The following CHAF1B variants were observed in gnomAD, a reference collection of about 807,000 sequenced individuals.
The protein encoded by CHAF1B is chromatin assembly factor 1 subunit B.
A neutral mutation model predicts 60.7 loss-of-function variants in CHAF1B; 10 were observed. That is an observed-to-expected ratio of 0.16 (90% CI 0.10 to 0.28). The LOEUF (loss-of-function observed/expected upper bound fraction) is 0.28. CHAF1B is among the 10% of genes least tolerant of loss of function. The pLI, the probability that CHAF1B is intolerant of heterozygous loss-of-function variation, is 1.00. For missense variants in CHAF1B, 558 were observed against 708.4 expected (o/e 0.79, Z 2.41); for synonymous variants, 261 against 266.1 (o/e 0.98, Z 0.19).
intron 3 of CHAF1B, 56 bp downstream of exon 3, chr21:36,387,786 C>T: frequency 6.9e-7 from 1 of 1,458,572 alleles, no homozygotes. Context: ...ACCTGTGTGT[C>T]TTGTGTCAGA....
intron 1 of CHAF1B, among the ~76,000 whole-genome samples, chr21:36,385,740 G>A (rs2086025559): frequency 6.6e-6 from 1 of 151,878 alleles, no homozygotes; most frequent in East Asian, 2.0e-4. Context: ...GGCTCCTCCC[G>A]GGGCGGGCCC....
At chr21:36,399,677 T>C (rs2086171393) in intron 7 of CHAF1B, 72 bp downstream of exon 7, 1 of 1,225,386 alleles carries the variant, frequency 8.2e-7, no homozygotes, top group Non-Finnish European at 1.2e-6. Context: ...GCTCCTCCCA[T>C]ACCCTTGCAG....
rs2086320638 is a variant in CHAF1B, at chr21:36,416,450, G to A, written c.*84G>A. ...AAAGCTGGAGGTGCCTGAGACCAGG[G>A]CTTCCATGGAGCGGGACACACTGTA... On this transcript the variant is annotated 3_prime_UTR_variant, in exon 14 of 14. Coordinates refer to ENST00000314103, the MANE Select transcript of CHAF1B (RefSeq NM_005441.3). 9.3e-7 allele frequency: 1 copy of A among 1,072,870 alleles called. No homozygotes were observed. Among genetic ancestry groups the A allele is most frequent in the Non-Finnish European group, 1.4e-6 (1 of 728,514 alleles). The allele number at this position is 1,072,870 out of a possible 1,614,324, so 66.5% of individuals were successfully genotyped here.
chr21:36,400,066 A>G (rs954909283), intron 7 of CHAF1B, among the ~76,000 whole-genome samples: 5 of 152,142 alleles, frequency 3.3e-5, no homozygotes, highest in Non-Finnish European at 7.4e-5. Flanking sequence ...AATCCCAGCT[A>G]CTCGGGAGGC....
At chr21:36,404,097 T>C (rs2086215000) in intron 8 of CHAF1B, among the ~76,000 whole-genome samples, 1 of 107,570 alleles carries the variant, frequency 9.3e-6, no homozygotes, top group Non-Finnish European at 1.9e-5. Context: ...TAATAAATCC[T>C]TTTTTTTTTT....
rs546602863 is a variant in CHAF1B at position 36,415,538 on chromosome 21, C to T, written c.1588+149C>T. 14 of 621,098 alleles carry T rather than the reference C, an allele frequency of 2.3e-5. No individual in the cohort carries two copies. The South Asian group carries it at 2.7e-4, about 12-fold the overall frequency. The allele number at this position is 621,098 out of a possible 1,614,324, so 38.5% of individuals were successfully genotyped here. ...AACCATTGTTTAAACCCGCCGGCTG[C>T]CTGTTTACGCCTCAGCAGGGGGCAC... On this transcript the variant is annotated intron_variant, in intron 13 of 13. Coordinates refer to ENST00000314103, the MANE Select transcript of CHAF1B (RefSeq NM_005441.3).
At position 36,416,422 on chromosome 21, in the gene CHAF1B, G is replaced by A. The variant is rs1202759808; in HGVS notation, c.*56G>A. The A allele has an allele frequency of 7.6e-6, 11 of 1,450,668 alleles. No homozygotes were observed. The highest frequency in any genetic ancestry group is 2.8e-5 in the African/African-American group (2 of 71,244). The allele number at this position is 1,450,668 out of a possible 1,614,324, so 89.9% of individuals were successfully genotyped here. A position where few individuals can be genotyped will look rare whatever the true frequency, so the allele number is the denominator to read the frequency against. ...AGGCTCCCGGTGTGTGCAGGGAGAC[G>A]GTAAAGCTGGAGGTGCCTGAGACCA... On this transcript the variant is annotated 3_prime_UTR_variant, in exon 14 of 14. Transcript: ENST00000314103.
intron 2 of CHAF1B, 82 bp from the exon 3 acceptor site, chr21:36,387,516 C>T: frequency 6.5e-7 from 1 of 1,540,756 alleles, no homozygotes; most frequent in Non-Finnish European, 8.9e-7. Context: ...CCACCACACC[C>T]AGCCCATAGT....
chr21:36,415,373 A>G lies in CHAF1B; in HGVS notation c.1572A>G (p.Thr524=), dbSNP rs767339595. The change falls in exon 13 of 14, where the codon ACA becomes ACG. Residue 524 remains threonine, a synonymous_variant. Transcript: ENST00000314103. ...CCAGTGTGATTTCCACCCCTTCTAC[A>G]GAAGAAATTCAGTCAGGTAAGTAAT... ...VPTSVISTPS[T]EEIQSETPGD... is the part of the protein sequence containing the mutation. The G allele has an allele frequency of 3.7e-6, 6 of 1,601,132 alleles. No individual in the cohort carries two copies. The African/African-American group carries it at 5.4e-5, about 14-fold the overall frequency.
chr21:36,407,349 T>C (rs535797140), intron 8 of CHAF1B, among the ~76,000 whole-genome samples: 1 of 150,668 alleles, frequency 6.6e-6, no homozygotes, highest in East Asian at 1.9e-4. Context: ...TTGCAAGCAT[T>C]GTTTATAGTG....
At chr21:36,410,304 T>C (rs2086268143) in intron 10 of CHAF1B, among the ~76,000 whole-genome samples, 1 of 152,222 alleles carries the variant, frequency 6.6e-6, no homozygotes, top group African/African-American at 2.4e-5. Flanking sequence ...TTGAACTTCG[T>C]AGATCTATCC....
intron 4 of CHAF1B, among the ~76,000 whole-genome samples, chr21:36,394,233 C>T (rs147703501): frequency 5.2e-4 from 79 of 152,198 alleles, no homozygotes; most frequent in African/African-American, 1.8e-3. Context: ...TGCACCACCA[C>T]GCCTGGCTAA....
At chr21:36,410,293 A>G (rs1327607957) in intron 10 of CHAF1B, among the ~76,000 whole-genome samples, 2 of 152,122 alleles carry the variant, frequency 1.3e-5, no homozygotes, top group Admixed American at 6.6e-5. Flanking sequence ...CTTGGGGTTC[A>G]TTGAACTTCG....
chr21:36,399,677 T>G, intron 7 of CHAF1B, 72 bp downstream of exon 7: 1 of 1,225,386 alleles, frequency 8.2e-7, no homozygotes, highest in Non-Finnish European at 1.2e-6. Flanking sequence ...GCTCCTCCCA[T>G]ACCCTTGCAG....
At chr21:36,399,428 T>G (rs1379506150) in intron 6 of CHAF1B, 93 bp from the exon 7 acceptor site, 6 of 1,013,848 alleles carry the variant, frequency 5.9e-6, no homozygotes, top group Non-Finnish European at 9.2e-6. Flanking sequence ...TGAAAACTGT[T>G]GCGGTGGTAA....
Position 36,387,631 on chromosome 21 carries a change from G to C in CHAF1B, c.160G>C (p.Ala54Pro). 6.2e-7 allele frequency: 1 copy of C among 1,614,152 alleles called. No homozygotes were observed. The highest frequency in any genetic ancestry group is 8.5e-7 in the Non-Finnish European group (1 of 1,180,020). ...GGTAGAAAAGGGACCAGATGGAAAA[G>C]CCATCGTGGAATTTTTGTCCAATCT... ...WKVEKGPDGK[A>P]IVEFLSNLAR... The change falls in exon 3 of 14, where the codon GCC (alanine) becomes CCC (proline). Residue 54 changes from alanine to proline, a missense_variant. Ala to Pro is a conservative substitution (Grantham distance 27). Transcript: ENST00000314103.
At chr21:36,390,199 G>C (rs1254785792) in intron 3 of CHAF1B, among the ~76,000 whole-genome samples, 1 of 151,934 alleles carries the variant, frequency 6.6e-6, no homozygotes, top group African/African-American at 2.4e-5. Flanking sequence ...TGGGTGTGGT[G>C]GTGCATACCT....
At chr21:36,412,465 T>G (rs1198497952) in intron 11 of CHAF1B, among the ~76,000 whole-genome samples, 1 of 152,066 alleles carries the variant, frequency 6.6e-6, no homozygotes, top group Non-Finnish European at 1.5e-5. Flanking sequence ...GTTCAAGCAA[T>G]TCTCCTGCCT....
At chr21:36,400,556 G>A (rs1287377325) in intron 7 of CHAF1B, among the ~76,000 whole-genome samples, 3 of 152,286 alleles carry the variant, frequency 2.0e-5, no homozygotes, top group South Asian at 2.1e-4. Context: ...TCACTTGGCT[G>A]GAGGTAAGCA....
Sources: allele counts gnomAD v4.1 joint callset (sites outside exome capture counted in the v4.1 genomes callset), GRCh38; gene constraint gnomAD v4.1.1; transcripts MANE v1.5; gene names NCBI Gene and HGNC (gene_info 2026-07-23, HGNC 2026-07-21).